The following TENM3 variants were observed in gnomAD, a reference collection of about 807,000 sequenced individuals.
TENM3 encodes the protein teneurin-3.
In TENM3, 63 loss-of-function variants were observed where a neutral mutation model predicts 255.1. The observed-to-expected ratio is 0.25, with a 90% confidence interval of 0.20 to 0.30. The LOEUF (loss-of-function observed/expected upper bound fraction) is 0.30. Among genes scored for constraint, TENM3 ranks in the 10% least tolerant of loss-of-function variants. The pLI is 1.00. For synonymous variants in TENM3, 1,306 were observed against 1,322.3 expected (o/e 0.99, Z 0.27); for missense variants, 2,929 against 3,461.1 (o/e 0.85, Z 3.86).
At chr4:182,442,760 TTGTGTGTG>T (rs113143926) in intron 3 of TENM3, among the ~76,000 whole-genome samples, 6 of 148,820 alleles carry the variant, frequency 4.0e-5, no homozygotes, top group Non-Finnish European at 8.9e-5. Context: ...CTCGACTAAT[TTGTGTGTG>T]TGTGTGTGTG....
chr4:182,166,677 G>T (rs1751746693), intron 1 of TENM3, among the ~76,000 whole-genome samples: 3 of 151,904 alleles, frequency 2.0e-5, no homozygotes, highest in Admixed American at 2.0e-4. Context: ...TGTTGCCCAG[G>T]CTAGAGTGCA....
At chr4:181,707,728 G>C in the TENM3 span, among the ~76,000 whole-genome samples, 10 of 152,154 alleles carry the variant, frequency 6.6e-5, no homozygotes, top group African/African-American at 1.9e-4. Context: ...AATAATTATA[G>C]ATACTATACT....
At chr4:182,788,295 G>C (rs1235861397) in intron 24 of TENM3, among the ~76,000 whole-genome samples, 2 of 152,188 alleles carry the variant, frequency 1.3e-5, no homozygotes, top group East Asian at 3.9e-4. Flanking sequence ...TGGTAAAGCA[G>C]AATTTAATCG....
chr4:181,665,859 A>G, the TENM3 span, among the ~76,000 whole-genome samples: 3 of 152,078 alleles, frequency 2.0e-5, no homozygotes, highest in African/African-American at 7.2e-5. Flanking sequence ...TTTCGTATAT[A>G]TCTAAAAATC....
intron 3 of TENM3, among the ~76,000 whole-genome samples, chr4:182,440,593 G>A (rs529859376): frequency 5.3e-5 from 8 of 152,150 alleles, no homozygotes; most frequent in Admixed American, 6.5e-5. Flanking sequence ...TCCTACAGAG[G>A]AAGTTCAGAG....
chr4:182,110,037 T>A, the TENM3 span, among the ~76,000 whole-genome samples: 1 of 150,690 alleles, frequency 6.6e-6, no homozygotes, highest in Non-Finnish European at 1.5e-5. Context: ...TTGCTTGAAC[T>A]TGGGAGGTGG....
chr4:182,206,333 T>A (rs1478447594), intron 1 of TENM3, among the ~76,000 whole-genome samples: 1 of 152,166 alleles, frequency 6.6e-6, no homozygotes, highest in African/African-American at 2.4e-5. Context: ...TCAGGATTGC[T>A]CCAGCTCTTA....
intron 15 of TENM3, 127 bp downstream of exon 15, chr4:182,730,446 C>A: frequency 2.0e-6 from 2 of 1,008,534 alleles, no homozygotes; most frequent in African/African-American, 1.6e-5. Context: ...ACTCTACAAA[C>A]TTGTGACAGT....
intron 3 of TENM3, among the ~76,000 whole-genome samples, chr4:182,559,436 G>A (rs1369384432): frequency 6.6e-6 from 1 of 152,028 alleles, no homozygotes; most frequent in East Asian, 1.9e-4. Context: ...CAATGAAATA[G>A]TAACCACTAA....
chr4:182,055,797 A>G, the TENM3 span, among the ~76,000 whole-genome samples: 2 of 152,116 alleles, frequency 1.3e-5, no homozygotes, highest in Non-Finnish European at 2.9e-5. Context: ...TGGAATGCTG[A>G]CTTGGAACCT....
intron 1 of TENM3, among the ~76,000 whole-genome samples, chr4:182,320,685 G>A (rs1292311833): frequency 1.3e-5 from 2 of 152,120 alleles, no homozygotes; most frequent in Non-Finnish European, 2.9e-5. Flanking sequence ...TTATCTTTTG[G>A]GGAGACACAA....
At chr4:182,003,873 CA>C in the TENM3 span, among the ~76,000 whole-genome samples, 1 of 151,274 alleles carries the variant, frequency 6.6e-6, no homozygotes, top group Non-Finnish European at 1.5e-5. Flanking sequence ...TAAATATTGT[CA>C]ATATATCATA....
At chr4:182,024,954 CT>C in the TENM3 span, among the ~76,000 whole-genome samples, 1 of 151,528 alleles carries the variant, frequency 6.6e-6, no homozygotes, top group Non-Finnish European at 1.5e-5. Flanking sequence ...GCTTCTGTGC[CT>C]GGCTTATTTC....
At chr4:182,699,588 G>T (rs770026219) in intron 12 of TENM3, among the ~76,000 whole-genome samples, 14 of 152,074 alleles carry the variant, frequency 9.2e-5, no homozygotes, top group Non-Finnish European at 1.9e-4. Context: ...TTTAAAATAT[G>T]AATATAGCCA....
At chr4:181,586,396 A>AT in the TENM3 span, among the ~76,000 whole-genome samples, 2 of 152,290 alleles carry the variant, frequency 1.3e-5, no homozygotes, top group South Asian at 4.1e-4. Context: ...CGTACTTCAC[A>AT]TAACTGTTAT....
the TENM3 span, among the ~76,000 whole-genome samples, chr4:181,461,623 C>T: frequency 6.6e-6 from 1 of 152,016 alleles, no homozygotes; most frequent in African/African-American, 2.4e-5. Context: ...ATAGTTTTTT[C>T]TATTGCAATG....
At chr4:182,386,120 A>T (rs192655063) in intron 3 of TENM3, among the ~76,000 whole-genome samples, 2 of 152,352 alleles carry the variant, frequency 1.3e-5, no homozygotes. Context: ...TATTTGGAGA[A>T]AATCAATCAT....
At chr4:182,180,867 T>C (rs192419674) in intron 1 of TENM3, among the ~76,000 whole-genome samples, 4 of 152,170 alleles carry the variant, frequency 2.6e-5, no homozygotes, top group African/African-American at 9.6e-5. Flanking sequence ...AACAATTTCA[T>C]TGCTCTTCCT....
At chr4:182,148,644 T>C (rs1750122390) in intron 1 of TENM3, among the ~76,000 whole-genome samples, 2 of 152,206 alleles carry the variant, frequency 1.3e-5, no homozygotes, top group Middle Eastern at 3.4e-3. Context: ...GATGGACCTC[T>C]TGTGCATGTG....
Sources: gnomAD v4.1 joint callset for allele counts (sites outside exome capture counted in the v4.1 genomes callset) on GRCh38, gnomAD v4.1.1 for gene constraint, MANE v1.5 for transcripts, NCBI Gene and HGNC (gene_info 2026-07-23, HGNC 2026-07-21) for gene names.